MMEL1: variants seen among roughly 807,000 people sequenced by gnomAD.
The protein encoded by MMEL1 is membrane metalloendopeptidase like 1.
In MMEL1, 98 loss-of-function variants were observed where a neutral mutation model predicts 117.1. That is an observed-to-expected ratio of 0.84 (90% CI 0.71 to 0.99). The LOEUF is 0.99. Ranked by LOEUF, MMEL1 falls within the 50% of genes least tolerant of loss-of-function variation. The pLI, the probability that MMEL1 is intolerant of heterozygous loss-of-function variation, is 0.00. For missense variants in MMEL1, 1,014 were observed against 1,049.1 expected (o/e 0.97, Z 0.46); for synonymous variants, 390 against 415.1 (o/e 0.94, Z 0.74).
intron 2 of MMEL1, among the ~76,000 whole-genome samples, chr1:2,627,050 T>C (rs1638310585): frequency 6.6e-6 from 1 of 152,062 alleles, no homozygotes; most frequent in South Asian, 2.1e-4. Flanking sequence ...ATGGAAAAAA[T>C]AGACACAGCA....
chr1:2,613,318 C>T (rs1037346819), intron 2 of MMEL1, among the ~76,000 whole-genome samples: 6 of 152,160 alleles, frequency 3.9e-5, no homozygotes, highest in African/African-American at 1.4e-4. Flanking sequence ...GCATGGCTGC[C>T]CTGTGGTGTT....
intron 2 of MMEL1, among the ~76,000 whole-genome samples, chr1:2,621,886 T>C (rs1461387351): frequency 2.6e-5 from 4 of 152,180 alleles, no homozygotes; most frequent in African/African-American, 9.7e-5. Context: ...TTGATTGATG[T>C]CTTATGTTTC....
Position 2,607,042 on chromosome 1 carries a change from G to T in MMEL1, c.563C>A (p.Pro188His), listed in dbSNP as rs1167126265. The T allele has an allele frequency of 6.2e-7, 1 of 1,613,394 alleles. No homozygotes were observed. Among genetic ancestry groups the T allele is most frequent in the Non-Finnish European group, 8.5e-7 (1 of 1,179,994 alleles). ...QSVIEKRGSQ[P>H]LLDILEVVGG... ...CACCACCTCCAAGATGTCCAGCAGG[G>T]GCTGAGAGCCTCGCTTCTCTATCAC... Residue 188 changes from proline (P) to histidine (H), a missense_variant, in exon 7 of 24, where the codon CCC (proline) becomes CAC (histidine). Pro to His is a moderately conservative substitution (Grantham distance 77). Transcript: ENST00000378412.
intron 1 of MMEL1, 81 bp downstream of exon 1, chr1:2,632,785 T>A (rs1357112980): frequency 1.1e-6 from 1 of 889,400 alleles, no homozygotes; most frequent in Non-Finnish European, 1.3e-6. Context: ...CTGGAGAGGG[T>A]TTCAAGGCCC....
chr1:2,609,410 T>C lies in MMEL1; in HGVS notation c.464A>G (p.Glu155Gly). The C allele has an allele frequency of 1.2e-6, 2 of 1,610,552 alleles. No individual in the cohort carries two copies. Among genetic ancestry groups the C allele is most frequent in the Non-Finnish European group, 1.7e-6 (2 of 1,178,766 alleles). ...ELEVILKAVL[E>G]NSTAKDRPAV... ...CGGCCGGTCCTTGGCAGTCGAATTCTCCAGCACCGCTGTGGGCACAGGAAA... is the reference window on the plus strand; with the variant it reads ...CGGCCGGTCCTTGGCAGTCGAATTCCCCAGCACCGCTGTGGGCACAGGAAA... The change falls in exon 6 of 24, where the codon GAG (glutamate) becomes GGG (glycine). Residue 155 changes from glutamate to glycine, a missense_variant. Coordinates refer to ENST00000378412, the MANE Select transcript of MMEL1 (RefSeq NM_033467.4).
In MMEL1 at chr1:2,596,604, G is replaced by A. The variant is rs373512211; in HGVS notation, c.1358C>T (p.Ser453Phe). 6.2e-7 allele frequency: 1 copy of A among 1,612,760 alleles called. No individual in the cohort carries two copies. The highest frequency in any genetic ancestry group is 1.3e-5 in the African/African-American group (1 of 74,906). ...VNSNMENAVG[S>F]LYVREAFPGD... ...AGGGAACGCCTCCCTGACGTAGAGG[G>A]AGCCCACGGCGTTCTCCATGTTGCT... is the stretch of plus-strand genomic sequence containing the variant. The change falls in exon 14 of 24, where the codon TCC (serine) becomes TTC (phenylalanine). Residue 453 changes from serine to phenylalanine, a missense_variant. By Grantham distance (155) the Ser-to-Phe change is radical. Transcript: ENST00000378412.
chr1:2,609,437 G>A lies in MMEL1; in HGVS notation c.455-18C>T, dbSNP rs1179341543. 1 of 1,605,584 alleles carries A rather than the reference G, an allele frequency of 6.2e-7. No individual in the cohort carries two copies. Among genetic ancestry groups the A allele is most frequent in the African/African-American group, 1.3e-5 (1 of 74,950 alleles). On this transcript the variant is annotated intron_variant, in intron 5 of 23. Coordinates refer to ENST00000378412, the MANE Select transcript of MMEL1 (RefSeq NM_033467.4). ...CAGCACCGCTGTGGGCACAGGAAAA[G>A]GTTGGACAGAGGCCTGACGAGGCTG...
At chr1:2,614,669 C>G (rs1645175816) in intron 2 of MMEL1, among the ~76,000 whole-genome samples, 1 of 152,008 alleles carries the variant, frequency 6.6e-6, no homozygotes, top group Admixed American at 6.6e-5. Flanking sequence ...GTGAGCTAGA[C>G]TAGAAGCAAC....
chr1:2,591,413 C>T (rs61765768), intron 23 of MMEL1, 144 bp downstream of exon 23: 12,370 of 698,572 alleles, frequency 0.018, 171 homozygotes, highest in Middle Eastern at 0.046. Flanking sequence ...TGACCGAAAT[C>T]GGCCAGAAGC....
Position 2,612,284 on chromosome 1 carries a change from C to A in MMEL1, c.155-80G>T. On this transcript the variant is annotated intron_variant, in intron 2 of 23. Coordinates refer to ENST00000378412, the MANE Select transcript of MMEL1 (RefSeq NM_033467.4). The surrounding 1 kb of genome is among the most constrained non-coding windows in gnomAD (Gnocchi z 5.4). ...TGCTGGGGGCCTCCCTGGGTCAGCA[C>A]GCCATCTTCCCACAGTGCTGGGTGC... 4.1e-6 allele frequency: 5 copies of A among 1,206,376 alleles called. No individual in the cohort carries two copies. The highest frequency in any genetic ancestry group is 4.8e-6 in the Non-Finnish European group (4 of 838,626). The allele number at this position is 1,206,376 out of a possible 1,614,324, so 74.7% of individuals were successfully genotyped here.
At chr1:2,630,416 GTGTGCA>G (rs747253913) in intron 1 of MMEL1, among the ~76,000 whole-genome samples, 12 of 152,364 alleles carry the variant, frequency 7.9e-5, no homozygotes, top group Non-Finnish European at 1.6e-4. Context: ...ATGTTCTGGT[GTGTGCA>G]TGTGCATGAC....
At chr1:2,597,512 C>T (rs1273206398) in intron 13 of MMEL1, among the ~76,000 whole-genome samples, 2 of 152,140 alleles carry the variant, frequency 1.3e-5, no homozygotes, top group East Asian at 3.8e-4. Context: ...ACCTCCCCTG[C>T]GTCTGTGTGT....
intron 2 of MMEL1, among the ~76,000 whole-genome samples, chr1:2,614,934 T>C (rs937878134): frequency 6.0e-5 from 9 of 151,110 alleles, no homozygotes; most frequent in African/African-American, 2.2e-4. Flanking sequence ...TTCACGATAA[T>C]GGGGATACAT....
At chr1:2,625,910 G>A (rs1334052084) in intron 2 of MMEL1, among the ~76,000 whole-genome samples, 1 of 149,586 alleles carries the variant, frequency 6.7e-6, no homozygotes, top group Non-Finnish European at 1.5e-5. Context: ...TAGCCTCATG[G>A]GGAGTTCCCT....
At chr1:2,607,604 GATA>G (rs1645051257) in intron 6 of MMEL1, among the ~76,000 whole-genome samples, 2 of 152,150 alleles carry the variant, frequency 1.3e-5, no homozygotes, top group African/African-American at 2.4e-5. Flanking sequence ...GGGACGCGGA[GATA>G]GTCACTGTGG....
chr1:2,624,926 A>G (rs1645345906), intron 2 of MMEL1, among the ~76,000 whole-genome samples: 1 of 152,198 alleles, frequency 6.6e-6, no homozygotes, highest in African/African-American at 2.4e-5. Flanking sequence ...ATGGTGGAGC[A>G]GGGGAGAGAG....
At chr1:2,599,965 C>CT (rs201498454) in intron 11 of MMEL1, among the ~76,000 whole-genome samples, 6 of 151,988 alleles carry the variant, frequency 3.9e-5, no homozygotes, top group East Asian at 1.9e-4. Context: ...GCAAACATAA[C>CT]TTTTTTTTAA....
rs371604408 is a variant in MMEL1 at position 2,606,385 on chromosome 1, G to A, written c.632-19C>T. ...TCGAGTCCTGGGGAGACAGTGCCCCGCACTGGAGACTGGCGGGCCCTGGGG... is the reference window on the plus strand; with the variant it reads ...TCGAGTCCTGGGGAGACAGTGCCCCACACTGGAGACTGGCGGGCCCTGGGG... On this transcript the variant is annotated intron_variant, in intron 7 of 23. Coordinates refer to ENST00000378412, the MANE Select transcript of MMEL1 (RefSeq NM_033467.4). The A allele has an allele frequency of 1.0e-4, 160 of 1,597,088 alleles. No individual in the cohort carries two copies. In the African/African-American group the frequency reaches 1.0e-3, roughly 10 times the overall value.
chr1:2,591,510 TGA>T, intron 23 of MMEL1, 45 bp downstream of exon 23: 1 of 1,457,570 alleles, frequency 6.9e-7, no homozygotes, highest in South Asian at 1.1e-5. Flanking sequence ...GGGGTGGGGG[TGA>T]GGGGGTTGTG....
Sources: allele counts gnomAD v4.1 joint callset (sites outside exome capture counted in the v4.1 genomes callset), GRCh38; gene constraint gnomAD v4.1.1; non-coding constraint Gnocchi (gnomAD v3.1); transcripts MANE v1.5; gene names NCBI Gene and HGNC (gene_info 2026-07-23, HGNC 2026-07-21).